Variants in RDX observed in about 807,000 individuals in gnomAD.
The protein encoded by RDX is deafness, autosomal recessive 24.
In RDX, 32 loss-of-function variants were observed where a neutral mutation model predicts 83.7. The ratio of observed to expected loss-of-function variants is 0.38; its 90% CI spans 0.29 to 0.51. The LOEUF is 0.51. Ranked by LOEUF, RDX falls within the 20% of genes least tolerant of loss-of-function variation. RDX has a pLI of 0.87. For synonymous variants in RDX, 229 were observed against 222.7 expected, an observed-to-expected ratio of 1.03 and a Z score of -0.25; for missense variants, 600 against 689.9, an observed-to-expected ratio of 0.87 and a Z score of 1.46.
intron 2 of RDX, among the ~76,000 whole-genome samples, chr11:110,274,134 TC>T (rs1187569284): frequency 1.3e-5 from 2 of 152,238 alleles, no homozygotes; most frequent in African/African-American, 4.8e-5. Flanking sequence ...CTTATTTTTT[TC>T]TTTTCTAAAA....
At chr11:110,273,470 T>C (rs1014153811) in intron 2 of RDX, among the ~76,000 whole-genome samples, 1 of 152,242 alleles carries the variant, frequency 6.6e-6, no homozygotes, top group Admixed American at 6.5e-5. Flanking sequence ...TGGCCATTCA[T>C]GCGTGCAATC....
rs912413680 is a variant in RDX at position 110,233,077 on chromosome 11, G to A, written c.1587+160C>T. The stretch of plus-strand genomic sequence containing the variant: ...GTATTTGCTAATGGGTTCACACAAC[G>A]GAAGAAATGAAATAACATGACTATA... On this transcript the variant is annotated intron_variant, in intron 13 of 13. Transcript: ENST00000645495. Among the ~76,000 whole-genome samples the A allele has an allele frequency of 1.1e-4, 17 of 152,234 alleles. No individual in the cohort carries two copies. In the South Asian group the frequency reaches 2.3e-3, roughly 20 times the overall value.
intron 3 of RDX, among the ~76,000 whole-genome samples, chr11:110,266,288 G>C (rs997837162): frequency 2.0e-5 from 3 of 151,780 alleles, no homozygotes; most frequent in African/African-American, 4.8e-5. Context: ...AGCCGAGATC[G>C]TGCCACTGCA....
chr11:110,207,955 T>C (rs1863667092), intron 14 of RDX, among the ~76,000 whole-genome samples: 1 of 151,838 alleles, frequency 6.6e-6, no homozygotes, highest in Admixed American at 6.6e-5. Flanking sequence ...CAGGCAAAAA[T>C]CTAATAAAGA....
chr11:110,246,185 C>T (rs12802876), intron 10 of RDX, among the ~76,000 whole-genome samples: 46 of 152,220 alleles, frequency 3.0e-4, no homozygotes, highest in Middle Eastern at 6.8e-3. Flanking sequence ...CATGAGCCAC[C>T]GCACCCAGCC....
At chr11:110,221,398 G>A (rs1864241653) in intron 14 of RDX, among the ~76,000 whole-genome samples, 1 of 152,062 alleles carries the variant, frequency 6.6e-6, no homozygotes, top group African/African-American at 2.4e-5. Flanking sequence ...AGAAGTTTGA[G>A]ACCAGGCTGG....
At chr11:110,287,957 C>A (rs1861054209) in intron 1 of RDX, among the ~76,000 whole-genome samples, 1 of 152,152 alleles carries the variant, frequency 6.6e-6, no homozygotes, top group Non-Finnish European at 1.5e-5. Flanking sequence ...GAAACAATTA[C>A]TAGGGCTTTT....
rs1864603575 is a variant in RDX, at chr11:110,230,783, T to C, written c.*1086A>G. The C allele has an allele frequency of 1.3e-5, 2 of 152,560 alleles. No individual in the cohort carries two copies. The highest frequency in any genetic ancestry group is 4.8e-5 in the African/African-American group (2 of 41,422). 9.5% of individuals were successfully genotyped at this position (152,560 alleles called of 1,614,324 possible). A position where few individuals can be genotyped will look rare whatever the true frequency, so the allele number is the denominator to read the frequency against. On this transcript the variant is annotated 3_prime_UTR_variant, in exon 14 of 14. Coordinates refer to ENST00000645495, the MANE Select transcript of RDX (RefSeq NM_002906.4). ...TAAGATATTCTGAAGGAAAATGAAATTTCGAAAGTATTTCTTGATGATCGA... is the reference window on the plus strand; with the variant it reads ...TAAGATATTCTGAAGGAAAATGAAACTTCGAAAGTATTTCTTGATGATCGA...
chr11:110,199,805 T>C (rs1863340484), intron 14 of RDX: 9 of 676,110 alleles, frequency 1.3e-5, no homozygotes, highest in Non-Finnish European at 1.9e-5. Flanking sequence ...GCCTGGATTA[T>C]GTAGGGCCTG....
chr11:110,276,640 T>C (rs568533850), intron 2 of RDX, among the ~76,000 whole-genome samples: 2 of 152,330 alleles, frequency 1.3e-5, no homozygotes, highest in East Asian at 3.9e-4. Context: ...TACATTGACT[T>C]AGATCTCCTT....
At chr11:110,218,353 C>A (rs1293089097) in intron 14 of RDX, among the ~76,000 whole-genome samples, 1 of 152,166 alleles carries the variant, frequency 6.6e-6, no homozygotes. Context: ...TTTTAAACAT[C>A]GTAATAGATT....
chr11:110,283,288 G>C (rs980800528), intron 1 of RDX, among the ~76,000 whole-genome samples: 2 of 151,908 alleles, frequency 1.3e-5, no homozygotes, highest in African/African-American at 4.8e-5. Context: ...CAAGTAGCTG[G>C]GATTACAGGC....
chr11:110,296,197 G>A (rs1861450304), intron 1 of RDX, among the ~76,000 whole-genome samples: 1 of 152,078 alleles, frequency 6.6e-6, no homozygotes, highest in Non-Finnish European at 1.5e-5. Context: ...GGCGAAGGTC[G>A]ACTTTGGCCC....
intron 15 of RDX, among the ~76,000 whole-genome samples, chr11:110,193,810 G>GA (rs1171517921): frequency 1.3e-5 from 2 of 152,182 alleles, no homozygotes; most frequent in East Asian, 3.9e-4. Flanking sequence ...CCCACAGGCT[G>GA]AAAACTCTCA....
chr11:110,231,892 T>C lies in RDX; in HGVS notation c.1729A>G (p.Ile577Val), dbSNP rs370958814. 4 of 1,612,926 alleles carry C rather than the reference T, an allele frequency of 2.5e-6. No individual in the cohort carries two copies. The highest frequency in any genetic ancestry group is 1.7e-5 in the Admixed American group (1 of 60,012). Residue 577 changes from isoleucine (I) to valine (V), a missense_variant, in exon 14 of 14, where the codon ATC becomes GTC. Transcript: ENST00000645495. ...QIRQGNTKQR[I>V]DEFEAM ...TCTCACATTGCTTCAAACTCATCGA[T>C]ACGCTGCTTTGTATTGCCTTGTCGA... is the stretch of plus-strand genomic sequence containing the variant.
At chr11:110,276,579 T>C (rs551487978) in intron 2 of RDX, among the ~76,000 whole-genome samples, 249 of 152,314 alleles carry the variant, frequency 1.6e-3, no homozygotes, top group Middle Eastern at 6.8e-3. Context: ...TGGGTAAGAA[T>C]TAACATTTTT....
chr11:110,246,332 A>G (rs1414428089), intron 10 of RDX, among the ~76,000 whole-genome samples: 1 of 152,196 alleles, frequency 6.6e-6, no homozygotes, highest in East Asian at 1.9e-4. Flanking sequence ...TATTCTACTC[A>G]TTGCTCAAGA....
At chr11:110,183,013 T>A (rs551102726) in intron 15 of RDX, among the ~76,000 whole-genome samples, 3 of 152,196 alleles carry the variant, frequency 2.0e-5, no homozygotes, top group Non-Finnish European at 4.4e-5. Context: ...AGAATGCGAC[T>A]CATCCCAAAC....
intron 14 of RDX, among the ~76,000 whole-genome samples, chr11:110,213,075 A>G (rs1286167299): frequency 6.6e-6 from 1 of 151,584 alleles, no homozygotes; most frequent in Non-Finnish European, 1.5e-5. Context: ...ATGATTGTAT[A>G]TCTAGAAAAC....
Sources: gnomAD v4.1 joint callset for allele counts (sites outside exome capture counted in the v4.1 genomes callset) on GRCh38, gnomAD v4.1.1 for gene constraint, MANE v1.5 for transcripts, NCBI Gene and HGNC (gene_info 2026-07-23, HGNC 2026-07-21) for gene names.